CDH12: variants seen among roughly 807,000 people sequenced by gnomAD.
CDH12 encodes the protein cadherin-12.
Under a neutral mutation model 74.1 loss-of-function variants are expected in CDH12, and 41 were observed. The ratio of observed to expected loss-of-function variants is 0.55; its 90% confidence interval spans 0.43 to 0.72. The LOEUF (loss-of-function observed/expected upper bound fraction) is 0.72, where lower values mean the gene tolerates loss of function less well. Ranked by LOEUF, CDH12 falls within the 30% of genes least tolerant of loss-of-function variation. The pLI is 0.00. For missense variants in CDH12, 945 were observed against 977.2 expected (o/e 0.97, Z 0.44); for synonymous variants, 399 against 355.0 (o/e 1.12, Z -1.39).
intron 1 of CDH12, among the ~76,000 whole-genome samples, chr5:22,528,409 A>G (rs1737387117): frequency 6.6e-6 from 1 of 151,764 alleles, no homozygotes; most frequent in Admixed American, 6.6e-5. Flanking sequence ...TCAGGATCAC[A>G]CTCCTTCTCA....
At chr5:22,027,399 C>G (rs1303555698) in intron 5 of CDH12, among the ~76,000 whole-genome samples, 1 of 152,116 alleles carries the variant, frequency 6.6e-6, no homozygotes. Context: ...GTACCAGTTC[C>G]TCCTTGTACC....
chr5:22,805,905 G>A (rs1244539701), intron 1 of CDH12, among the ~76,000 whole-genome samples: 5 of 152,004 alleles, frequency 3.3e-5, no homozygotes, highest in African/African-American at 4.8e-5. Flanking sequence ...GAGAACATGC[G>A]GTGTTTGGTT....
At chr5:22,123,797 A>G (rs2150278538) in intron 4 of CDH12, among the ~76,000 whole-genome samples, 1 of 152,288 alleles carries the variant, frequency 6.6e-6, no homozygotes, top group East Asian at 1.9e-4. Context: ...ATAAATATTG[A>G]AATGTCTTGG....
intron 4 of CDH12, among the ~76,000 whole-genome samples, chr5:22,140,268 TA>T (rs1352344485): frequency 2.0e-5 from 3 of 146,898 alleles, no homozygotes; most frequent in Non-Finnish European, 4.5e-5. Flanking sequence ...ACATTTTTCA[TA>T]CCATAAAGTC....
intron 3 of CDH12, among the ~76,000 whole-genome samples, chr5:22,367,867 C>G (rs957682359): frequency 6.6e-6 from 1 of 152,124 alleles, no homozygotes; most frequent in Non-Finnish European, 1.5e-5. Flanking sequence ...ATTCGTATAA[C>G]AAACCATATC....
At chr5:22,097,290 C>G (rs1743842335) in intron 4 of CDH12, among the ~76,000 whole-genome samples, 1 of 152,204 alleles carries the variant, frequency 6.6e-6, no homozygotes, top group Admixed American at 6.5e-5. Context: ...GACTCCTTCC[C>G]AGCTCTTCTC....
chr5:22,702,816 G>T (rs1742786939), intron 1 of CDH12, among the ~76,000 whole-genome samples: 1 of 151,982 alleles, frequency 6.6e-6, no homozygotes, highest in Non-Finnish European at 1.5e-5. Flanking sequence ...GAGAGACCCT[G>T]GTCCTTTGAT....
chr5:21,984,711 A>G (rs1215410299), intron 5 of CDH12, among the ~76,000 whole-genome samples: 2 of 152,200 alleles, frequency 1.3e-5, no homozygotes, highest in Admixed American at 1.3e-4. Context: ...GAGGTACACC[A>G]TTTCCCTGTA....
At chr5:22,374,989 A>G (rs1238795352) in intron 3 of CDH12, among the ~76,000 whole-genome samples, 2 of 152,136 alleles carry the variant, frequency 1.3e-5, no homozygotes, top group African/African-American at 2.4e-5. Context: ...AAGACACCAA[A>G]TAGTCAAAGC....
intron 3 of CDH12, among the ~76,000 whole-genome samples, chr5:22,237,456 G>A (rs1353531285): frequency 6.6e-6 from 1 of 152,058 alleles, no homozygotes; most frequent in Non-Finnish European, 1.5e-5. Flanking sequence ...ATTAAATCAT[G>A]AGGGCAGACA....
intron 9 of CDH12, among the ~76,000 whole-genome samples, chr5:21,809,820 G>A (rs528322941): frequency 6.6e-6 from 1 of 152,158 alleles, no homozygotes; most frequent in African/African-American, 2.4e-5. Flanking sequence ...AATATAGTAG[G>A]AGGAATGAGT....
chr5:22,037,200 C>T (rs1467733123), intron 5 of CDH12, among the ~76,000 whole-genome samples: 2 of 152,158 alleles, frequency 1.3e-5, no homozygotes, highest in African/African-American at 2.4e-5. Flanking sequence ...ATCCTAATCC[C>T]TGGAACTTAT....
intron 3 of CDH12, among the ~76,000 whole-genome samples, chr5:22,404,232 C>T (rs917913872): frequency 9.2e-5 from 14 of 151,688 alleles, no homozygotes; most frequent in African/African-American, 2.7e-4. Flanking sequence ...CAATCTAAAC[C>T]CCTCATTTTG....
rs115585342 is a variant in CDH12 at position 22,825,434 on chromosome 5, C to T, written c.-523+27624G>A. Among the ~76,000 whole-genome samples, 710 of 151,856 alleles carry T rather than the reference C, an allele frequency of 4.7e-3. 9 individuals carry two copies. The highest frequency in any genetic ancestry group is 0.016 in the African/African-American group (674 of 41,402). ...AGAAGATGATATTTAAATAAAGATCCGAAGAAAGTTAGAGTAAGCCAAGCA... is the reference window on the plus strand; with the variant it reads ...AGAAGATGATATTTAAATAAAGATCTGAAGAAAGTTAGAGTAAGCCAAGCA... On this transcript the variant is annotated intron_variant, in intron 1 of 14. Transcript: ENST00000382254.
intron 4 of CDH12, among the ~76,000 whole-genome samples, chr5:22,116,608 G>GA (rs1282291134): frequency 0.011 from 1,437 of 132,044 alleles, 14 homozygotes; most frequent in East Asian, 0.033. Flanking sequence ...CTGTTTCAAA[G>GA]AAAAAAAAAA....
At chr5:22,125,802 G>C (rs1271589923) in intron 4 of CDH12, among the ~76,000 whole-genome samples, 1 of 152,140 alleles carries the variant, frequency 6.6e-6, no homozygotes. Context: ...TTTTTGAGAT[G>C]TTCTTCTTAC....
chr5:22,736,930 C>T (rs539527532), intron 1 of CDH12, among the ~76,000 whole-genome samples: 3 of 151,992 alleles, frequency 2.0e-5, no homozygotes, highest in African/African-American at 4.8e-5. Flanking sequence ...AGAAGCAATA[C>T]TTTATTTGAA....
chr5:22,455,599 T>C (rs1211531730), intron 2 of CDH12, among the ~76,000 whole-genome samples: 1 of 152,092 alleles, frequency 6.6e-6, no homozygotes, highest in East Asian at 1.9e-4. Flanking sequence ...CAGAAATCCA[T>C]AAATATGGGT....
At chr5:22,830,910 TA>T (rs540852523) in intron 1 of CDH12, among the ~76,000 whole-genome samples, 3 of 151,672 alleles carry the variant, frequency 2.0e-5, no homozygotes, top group Non-Finnish European at 4.4e-5. Context: ...TTAAATATGC[TA>T]AAAAATGAAA....
Sources: gnomAD v4.1 joint callset for allele counts (sites outside exome capture counted in the v4.1 genomes callset) on GRCh38, gnomAD v4.1.1 for gene constraint, MANE v1.5 for transcripts, NCBI Gene and HGNC (gene_info 2026-07-23, HGNC 2026-07-21) for gene names.